PIWIL3: variants seen among roughly 807,000 people sequenced by gnomAD.
PIWIL3 encodes the protein piwi-like protein 3.
A neutral mutation model predicts 109.7 loss-of-function variants in PIWIL3; 101 were observed. The observed-to-expected ratio is 0.92, with a 90% CI of 0.78 to 1.09. PIWIL3 has a LOEUF of 1.09. Among genes scored for constraint, PIWIL3 ranks in the 50% least tolerant of loss-of-function variants. The pLI, the probability that PIWIL3 is intolerant of heterozygous loss-of-function variation, is 0.00. For synonymous variants in PIWIL3, 373 were observed against 376.4 expected (o/e 0.99, Z 0.10); for missense variants, 1,031 against 1,072.6 (o/e 0.96, Z 0.54).
rs144576584 is a variant in PIWIL3 at position 24,733,599 on chromosome 22, T to G, written c.1707+485A>C. Among the ~76,000 whole-genome samples the G allele has an allele frequency of 3.1e-3, 478 of 152,170 alleles. 6 individuals are homozygous for G. The highest frequency in any genetic ancestry group is 0.014 in the Middle Eastern group (4 of 294). ...GGGAGGCTGAGGCAGGAGAATTGCT[T>G]GAACCGGGAGGCAGAGGTTACAGTG... On this transcript the variant is annotated intron_variant, in intron 14 of 20. Transcript: ENST00000616349.
Position 24,757,637 on chromosome 22 carries a change from C to CACACACAT in PIWIL3, c.355+270_355+271insATGTGTGT, listed in dbSNP as rs371066474. On this transcript the variant is annotated intron_variant, in intron 4 of 20. Transcript: ENST00000616349. ...ACATACACACACACACACACACACA[C>CACACACAT]ATATATAAAATATGTATATATTACA... 2.3e-3 allele frequency among the ~76,000 whole-genome samples: 282 copies of CACACACAT among 122,806 alleles called. 4 individuals are homozygous for CACACACAT. Among genetic ancestry groups the CACACACAT allele is most frequent in the Middle Eastern group, 4.1e-3 (1 of 244 alleles). The allele number at this position is 122,806 out of a possible 152,430, so 80.6% of individuals were successfully genotyped here.
At position 24,735,826 on chromosome 22, in the gene PIWIL3, G is replaced by T. The variant is rs1923623711; in HGVS notation, c.1516C>A (p.Pro506Thr). ...IRELPLLNAM[P>T]LHSWLILYSR... ...TAGAGTATGAGCCAACTATGTAGTG[G>T]CATTGCATTAAGTAAGGGTAATTCT... is the stretch of plus-strand genomic sequence containing the variant. Residue 506 changes from proline to threonine, a missense_variant, in exon 13 of 21, where the codon CCA becomes ACA. Coordinates refer to ENST00000616349, the MANE Select transcript of PIWIL3 (RefSeq NM_001255975.1). The T allele has an allele frequency of 6.2e-7, 1 of 1,613,608 alleles. No homozygotes were observed. Among genetic ancestry groups the T allele is most frequent in the Non-Finnish European group, 8.5e-7 (1 of 1,179,656 alleles).
rs1191188994 is a variant in PIWIL3 at position 24,744,187 on chromosome 22, A to G, written c.1449+4720T>C. Among the ~76,000 whole-genome samples, 53 of 145,594 alleles carry G rather than the reference A, an allele frequency of 3.6e-4. 3 individuals are homozygous for G. Among genetic ancestry groups the G allele is most frequent in the Admixed American group, 1.7e-3 (25 of 14,328 alleles). The stretch of plus-strand genomic sequence containing the variant: ...GAAAGAGTGACCGAATTAAAAAAAA[A>G]AAAAAAAAAAAAAAAAAAAACAATG... On this transcript the variant is annotated intron_variant, in intron 12 of 20. Transcript: ENST00000616349.
chr22:24,735,996 C>A, intron 12 of PIWIL3, 104 bp from the exon 13 acceptor site: 2 of 952,954 alleles, frequency 2.1e-6, no homozygotes, highest in Non-Finnish European at 3.0e-6. Flanking sequence ...AGAAATGTTA[C>A]AATTATAAAC....
chr22:24,748,591 A>T (rs1159581675), intron 12 of PIWIL3, among the ~76,000 whole-genome samples: 2 of 152,164 alleles, frequency 1.3e-5, no homozygotes, highest in African/African-American at 4.8e-5. Context: ...ATTTAAATAA[A>T]GTTTTTTTGA....
intron 1 of PIWIL3, among the ~76,000 whole-genome samples, chr22:24,767,002 G>A (rs1014259427): frequency 5.9e-5 from 9 of 151,684 alleles, no homozygotes; most frequent in Non-Finnish European, 1.3e-4. Flanking sequence ...GGATGGTGGT[G>A]CACACCTGTA....
chr22:24,765,607 T>C (rs6004268), intron 1 of PIWIL3, among the ~76,000 whole-genome samples: 100,750 of 151,862 alleles, frequency 0.66, 33,625 homozygotes, highest in East Asian at 0.75. Context: ...AGTGAGTCTA[T>C]GGATAATGAA....
intron 19 of PIWIL3, among the ~76,000 whole-genome samples, chr22:24,721,322 T>A (rs931427903): frequency 6.6e-6 from 1 of 152,242 alleles, no homozygotes; most frequent in Admixed American, 6.5e-5. Flanking sequence ...TGCTTTTAAA[T>A]TTTCTTATGC....
rs150824234 is a variant in PIWIL3, at chr22:24,751,629, T to G, written c.978-131A>C. The G allele has an allele frequency of 2.3e-4, 328 of 1,431,442 alleles. 3 individuals carry two copies. The Middle Eastern group carries it at 3.3e-3, about 14-fold the overall frequency. 88.7% of individuals were successfully genotyped at this position (1,431,442 alleles called of 1,614,324 possible). A position where few individuals can be genotyped will look rare whatever the true frequency, so the allele number is the denominator to read the frequency against. ...AGATTTACTTAAGATGTAATTCACA[T>G]ACTGTACAACTCACCCATCTGAGCA... On this transcript the variant is annotated intron_variant, in intron 8 of 20. Coordinates refer to ENST00000616349, the MANE Select transcript of PIWIL3 (RefSeq NM_001255975.1).
chr22:24,744,963 G>A (rs919572874), intron 12 of PIWIL3, among the ~76,000 whole-genome samples: 2 of 152,162 alleles, frequency 1.3e-5, no homozygotes, highest in African/African-American at 4.8e-5. Context: ...GATCATTCAA[G>A]GATAGACCAT....
chr22:24,769,832 T>C (rs2147734774), intron 1 of PIWIL3: 1 of 151,386 alleles, frequency 6.6e-6, no homozygotes, highest in East Asian at 1.9e-4. Flanking sequence ...AATACACCAA[T>C]ACTAATGATA....
At chr22:24,741,243 G>A (rs111712128) in intron 12 of PIWIL3, among the ~76,000 whole-genome samples, 95 of 152,246 alleles carry the variant, frequency 6.2e-4, no homozygotes, top group African/African-American at 2.2e-3. Context: ...GGCCAGGCGC[G>A]GTGGCTCACA....
rs190927309 is a variant in PIWIL3 at position 24,767,542 on chromosome 22, A to T, written c.-22-5021T>A. On this transcript the variant is annotated intron_variant, in intron 1 of 20. Transcript: ENST00000616349. Reference sequence around the variant, plus strand: ...CTCCAGCCTGGGCAACAAAGGCGAAACTCTGTCTCAAAAAAAAAAAAGGGC... The same window carrying T: ...CTCCAGCCTGGGCAACAAAGGCGAATCTCTGTCTCAAAAAAAAAAAAGGGC... 3.5e-4 allele frequency among the ~76,000 whole-genome samples: 53 copies of T among 150,160 alleles called. 2 individuals carry two copies. The highest frequency in any genetic ancestry group is 3.0e-3 in the Admixed American group (46 of 15,116).
At chr22:24,732,800 G>A (rs547865540) in intron 14 of PIWIL3, among the ~76,000 whole-genome samples, 3 of 152,078 alleles carry the variant, frequency 2.0e-5, no homozygotes, top group Non-Finnish European at 4.4e-5. Flanking sequence ...CCTGGGTGAC[G>A]AGTGAGACTC....
At chr22:24,772,882 G>A (rs1037018229) in intron 1 of PIWIL3, among the ~76,000 whole-genome samples, 1 of 152,194 alleles carries the variant, frequency 6.6e-6, no homozygotes, top group African/African-American at 2.4e-5. Flanking sequence ...GATCAGATGA[G>A]GTACCTTAAC....
In PIWIL3 at chr22:24,759,039, G is replaced by A. The variant is rs893697927; in HGVS notation, c.223+830C>T. ...CTCCCTAGTAGCTGGGACTACAGGC[G>A]CATACCACCATGCCCAGCTAATTTG... On this transcript the variant is annotated intron_variant, in intron 3 of 20. Coordinates refer to ENST00000616349, the MANE Select transcript of PIWIL3 (RefSeq NM_001255975.1). 2.0e-5 allele frequency among the ~76,000 whole-genome samples: 3 copies of A among 152,088 alleles called. No homozygotes were observed. The South Asian group carries it at 6.2e-4, about 32-fold the overall frequency.
chr22:24,757,842 T>G, intron 4 of PIWIL3, 66 bp downstream of exon 4: 4 of 1,163,962 alleles, frequency 3.4e-6, no homozygotes, highest in Non-Finnish European at 4.6e-6. Context: ...TGTCTCTCAA[T>G]GAAAAAAAAA....
rs764931878 is a variant in PIWIL3 at position 24,734,163 on chromosome 22, A to T, written c.1635-7T>A. ...ATCACCATCTACTTCAATCCTAAAA[A>T]ATAAATATAGCATCCACATCCAAAA... On this transcript the variant is annotated splice_region_variant and splice_polypyrimidine_tract_variant and intron_variant, in intron 13 of 20. Coordinates refer to ENST00000616349, the MANE Select transcript of PIWIL3 (RefSeq NM_001255975.1). 3 of 1,610,202 alleles carry T rather than the reference A, an allele frequency of 1.9e-6. No individual in the cohort carries two copies. Among genetic ancestry groups the T allele is most frequent in the South Asian group, 1.1e-5 (1 of 89,616 alleles).
chr22:24,749,515 G>T lies in PIWIL3; in HGVS notation c.1223C>A (p.Thr408Lys), dbSNP rs1254258874. The part of the protein sequence containing the change: ...IPQLCHMTGL[T>K]DEICKDYSIV... ...GCTATAATCTTTACATATTTCATCTGTTAGACCTTTAAAAAAATCCAAAAG... is the reference window on the plus strand; with the variant it reads ...GCTATAATCTTTACATATTTCATCTTTTAGACCTTTAAAAAAATCCAAAAG... The change falls in exon 11 of 21, where the codon ACA becomes AAA. Residue 408 changes from threonine to lysine, a missense_variant. Physicochemically the swap from Thr to Lys is moderately conservative, Grantham distance 78. Transcript: ENST00000616349. 6.2e-7 allele frequency: 1 copy of T among 1,612,766 alleles called. No homozygotes were observed. The highest frequency in any genetic ancestry group is 1.7e-5 in the Admixed American group (1 of 59,860).
Sources: gnomAD v4.1 joint callset for allele counts (sites outside exome capture counted in the v4.1 genomes callset) on GRCh38, gnomAD v4.1.1 for gene constraint, MANE v1.5 for transcripts, NCBI Gene and HGNC (gene_info 2026-07-23, HGNC 2026-07-21) for gene names.